Variants in OCSTAMP observed in about 807,000 individuals in gnomAD.
OCSTAMP encodes the protein transmembrane protein C20orf123.
A neutral mutation model predicts 25.2 loss-of-function variants in OCSTAMP; 17 were observed. That is an observed-to-expected ratio of 0.68 (90% CI 0.46 to 1.01). OCSTAMP has a LOEUF of 1.01. Among genes scored for constraint, OCSTAMP ranks in the 50% least tolerant of loss-of-function variants. The probability of loss-of-function intolerance (pLI) is 0.00; values close to 1 mark genes in which losing one functional copy is unlikely to be tolerated. For missense variants in OCSTAMP, 664 were observed against 694.6 expected, an observed-to-expected ratio of 0.96 and a Z score of 0.50; for synonymous variants, 345 against 318.9, an observed-to-expected ratio of 1.08 and a Z score of -0.87.
At chr20:46,546,396 C>T (rs543172068) in intron 1 of OCSTAMP, 67 bp from the exon 2 acceptor site, 35 of 1,362,090 alleles carry the variant, frequency 2.6e-5, no homozygotes, top group Non-Finnish European at 3.4e-5. Context: ...GTCCACTGCC[C>T]CTGCCCCACA....
Position 46,543,795 on chromosome 20 carries a change from A to T in OCSTAMP, c.1047+1532T>A, listed in dbSNP as rs1001219080. Among the ~76,000 whole-genome samples, 7 of 152,276 alleles carry T rather than the reference A, an allele frequency of 4.6e-5. 1 individual carries two copies. The highest frequency in any genetic ancestry group is 1.7e-4 in the African/African-American group (7 of 41,476). ...GTAGCATTTTCTGCCCTAAGGATAC[A>T]TAAAGTAATGGTGTGACTTGCAATT... is the stretch of plus-strand genomic sequence containing the variant. On this transcript the variant is annotated intron_variant, in intron 2 of 2. Transcript: ENST00000279028.
intron 1 of OCSTAMP, among the ~76,000 whole-genome samples, chr20:46,546,734 G>T (rs2146054816): frequency 6.6e-6 from 1 of 152,306 alleles, no homozygotes; most frequent in African/African-American, 2.4e-5. Context: ...GATTTCACTT[G>T]AATTAATAGT....
chr20:46,541,997 T>C, intron 2 of OCSTAMP, 70 bp from the exon 3 acceptor site: 1 of 1,371,282 alleles, frequency 7.3e-7, no homozygotes, highest in South Asian at 2.0e-5. Context: ...TAGGAGAGGC[T>C]TGTCCAGCTT....
At position 46,541,558 on chromosome 20, in the gene OCSTAMP, T is replaced by G; in HGVS notation, c.1417A>C (p.Arg473=). ...CATGCCGGAGGCTTGCAGGCAGGTC[T>G]GGGTGTGGGGACGCAAGAAGGATCC... ...LGDPSCVPTP[R]PACKPPAWID... is the part of the protein sequence containing the mutation. Residue 473 remains arginine (R), a synonymous_variant, in exon 3 of 3, where the codon AGA becomes CGA. Coordinates refer to ENST00000279028, the MANE Select transcript of OCSTAMP (RefSeq NM_080721.3). 1 of 1,551,700 alleles carries G rather than the reference T, an allele frequency of 6.4e-7. No individual in the cohort carries two copies. The highest frequency in any genetic ancestry group is 8.7e-7 in the Non-Finnish European group (1 of 1,146,970).
At position 46,541,688 on chromosome 20, in the gene OCSTAMP, G is replaced by C; in HGVS notation, c.1287C>G (p.Ile429Met). 6.5e-7 allele frequency: 1 copy of C among 1,550,046 alleles called. No homozygotes were observed. The highest frequency in any genetic ancestry group is 8.7e-7 in the Non-Finnish European group (1 of 1,146,900). Residue 429 changes from isoleucine (I) to methionine (M), a missense_variant, in exon 3 of 3, where the codon ATC becomes ATG. Physicochemically the swap from Ile to Met is conservative, Grantham distance 10 (BLOSUM62 1). Transcript: ENST00000279028. ...EAYARRLRHA[I>M]AASFFTAQEA... ...CCTGGGCTGTGAAGAAGGAAGCGGC[G>C]ATGGCATGCCGCAGGCGGCGGGCGT...
intron 1 of OCSTAMP, among the ~76,000 whole-genome samples, chr20:46,547,448 C>G (rs2061856678): frequency 6.6e-6 from 1 of 152,168 alleles, no homozygotes. Context: ...GGACATGCCT[C>G]AAGGCGCTCC....
At chr20:46,546,831 C>G (rs917240907) in intron 1 of OCSTAMP, among the ~76,000 whole-genome samples, 2 of 152,088 alleles carry the variant, frequency 1.3e-5, no homozygotes, top group Non-Finnish European at 2.9e-5. Context: ...GGAGGGTGAA[C>G]TAGTTGGCCT....
chr20:46,544,796 C>G lies in OCSTAMP; in HGVS notation c.1047+531G>C, dbSNP rs1601102356. Reference sequence around the variant, plus strand: ...TCTAAAAAAGCTTTATTTACAAAACCAAGAAGCCATTGGATTTGTCCTGAA... The same window carrying G: ...TCTAAAAAAGCTTTATTTACAAAACGAAGAAGCCATTGGATTTGTCCTGAA... On this transcript the variant is annotated intron_variant, in intron 2 of 2. Transcript: ENST00000279028. Among the ~76,000 whole-genome samples the G allele has an allele frequency of 1.3e-5, 2 of 152,262 alleles. 1 individual carries two copies. Among genetic ancestry groups the G allele is most frequent in the Admixed American group, 1.3e-4 (2 of 15,304 alleles).
Position 46,546,299 on chromosome 20 carries a change from C to T in OCSTAMP, c.75G>A (p.Lys25=), listed in dbSNP as rs753579516. The change falls in exon 2 of 3, where the codon AAG becomes AAA. Residue 25 remains lysine, a synonymous_variant. Coordinates refer to ENST00000279028, the MANE Select transcript of OCSTAMP (RefSeq NM_080721.3). ...GWRSWHLGFW[K]ALAPLQAAWD... ...AGGCAGCCTGCAGTGGGGCAAGGGC[C>T]TTCCAGAACCCCAAGTGCCAGGACC... 12 of 1,549,548 alleles carry T rather than the reference C, an allele frequency of 7.7e-6. No homozygotes were observed. In the South Asian group the frequency reaches 8.3e-5, roughly 11 times the overall value.
At chr20:46,542,866 A>G (rs1383622465) in intron 2 of OCSTAMP, among the ~76,000 whole-genome samples, 1 of 152,194 alleles carries the variant, frequency 6.6e-6, no homozygotes, top group Non-Finnish European at 1.5e-5. Flanking sequence ...GAAACTCCCA[A>G]AGCTTTCAGA....
intron 1 of OCSTAMP, among the ~76,000 whole-genome samples, chr20:46,550,218 C>T (rs948595278): frequency 3.3e-5 from 5 of 152,148 alleles, no homozygotes; most frequent in African/African-American, 9.7e-5. Flanking sequence ...AATTCCTGCA[C>T]GGGGTATTGA....
rs576870574 is a variant in OCSTAMP at position 46,546,019 on chromosome 20, G to A, written c.355C>T (p.Arg119Cys). 18 of 1,551,396 alleles carry A rather than the reference G, an allele frequency of 1.2e-5. 1 individual carries two copies. The highest frequency in any genetic ancestry group is 9.5e-5 in the South Asian group (8 of 84,046). Reference sequence around the variant, plus strand: ...GTGCTGTAGGACAGGAGCAGCCGGCGGCCCTGCTCCATACCCAGGGTGGGC... The same window carrying A: ...GTGCTGTAGGACAGGAGCAGCCGGCAGCCCTGCTCCATACCCAGGGTGGGC... ...SVPTLGMEQGRRLLLSYSTAT... is the reference protein window; with the variant it reads ...SVPTLGMEQGCRLLLSYSTAT... The change falls in exon 2 of 3, where the codon CGC becomes TGC. Residue 119 changes from arginine (R) to cysteine (C), a missense_variant. Arg to Cys is a radical substitution (Grantham distance 180, BLOSUM62 -3). Coordinates refer to ENST00000279028, the MANE Select transcript of OCSTAMP (RefSeq NM_080721.3).
In OCSTAMP at chr20:46,546,222, T is replaced by G. The variant is rs1211200842; in HGVS notation, c.152A>C (p.Gln51Pro). 6 of 1,551,496 alleles carry G rather than the reference T, an allele frequency of 3.9e-6. No homozygotes were observed. The East Asian group carries it at 1.5e-4, about 38-fold the overall frequency. ...AGCCAGGGAGGCACACAGGAGGAGC[T>G]GGGTCAGCAGCTGGCCACAGCTGGC... ...VPASCGQLLT[Q>P]LLLCASLAAA... Residue 51 changes from glutamine (Q) to proline (P), a missense_variant, in exon 2 of 3, where the codon CAG (glutamine) becomes CCG (proline). Gln to Pro is a moderately conservative substitution (Grantham distance 76, BLOSUM62 -1). Transcript: ENST00000279028.
chr20:46,545,198 G>T, intron 2 of OCSTAMP, 129 bp downstream of exon 2: 1 of 993,154 alleles, frequency 1.0e-6, no homozygotes, highest in Non-Finnish European at 1.4e-6. Flanking sequence ...ATGGTATGGG[G>T]CCCCATGGAT....
Position 46,545,353 on chromosome 20 carries a change from G to T in OCSTAMP, c.1021C>A (p.Pro341Thr). 1 of 1,486,652 alleles carries T rather than the reference G, an allele frequency of 6.7e-7. No homozygotes were observed. Among genetic ancestry groups the T allele is most frequent in the Non-Finnish European group, 8.9e-7 (1 of 1,118,402 alleles). The allele number at this position is 1,486,652 out of a possible 1,614,324, so 92.1% of individuals were successfully genotyped here. The change falls in exon 2 of 3, where the codon CCC (proline) becomes ACC (threonine). Residue 341 changes from proline (P) to threonine (T), a missense_variant. By Grantham distance (38) the Pro-to-Thr change is conservative. Coordinates refer to ENST00000279028, the MANE Select transcript of OCSTAMP (RefSeq NM_080721.3). ...TCATACTTGACCGTGAGCGTGATGG[G>T]CACAGTTGGCAACTTCTGAGCCCAG... The part of the protein sequence containing the change: ...VDWAQKLPTV[P>T]ITLTVKYDVA...
chr20:46,546,208 C>A lies in OCSTAMP; in HGVS notation c.166G>T (p.Ala56Ser). Residue 56 changes from alanine (A) to serine (S), a missense_variant, in exon 2 of 3, where the codon GCC (alanine) becomes TCC (serine). Coordinates refer to ENST00000279028, the MANE Select transcript of OCSTAMP (RefSeq NM_080721.3). ...CCTGCAGCAGCAGCAGCCAGGGAGG[C>A]ACACAGGAGGAGCTGGGTCAGCAGC... Reference protein sequence around the residue: ...GQLLTQLLLCASLAAAAAGLV... With the variant: ...GQLLTQLLLCSSLAAAAAGLV... The A allele has an allele frequency of 6.4e-7, 1 of 1,551,816 alleles. No homozygotes were observed. The highest frequency in any genetic ancestry group is 8.7e-7 in the Non-Finnish European group (1 of 1,147,046).
Position 46,546,237 on chromosome 20 carries a change from C to T in OCSTAMP, c.137G>A (p.Gly46Asp), listed in dbSNP as rs1410446950. Residue 46 changes from glycine (G) to aspartate (D), a missense_variant, in exon 2 of 3, where the codon GGC becomes GAC. By Grantham distance (94) the Gly-to-Asp change is moderately conservative (BLOSUM62 -1). Transcript: ENST00000279028. ...CAGGAGGAGCTGGGTCAGCAGCTGGCCACAGCTGGCTGGAACAGGCTGGGA... is the reference window on the plus strand; with the variant it reads ...CAGGAGGAGCTGGGTCAGCAGCTGGTCACAGCTGGCTGGAACAGGCTGGGA... The part of the protein sequence containing the change: ...AFSQPVPASC[G>D]QLLTQLLLCA... The T allele has an allele frequency of 1.9e-6, 3 of 1,551,390 alleles. No individual in the cohort carries two copies. The highest frequency in any genetic ancestry group is 2.0e-5 in the Admixed American group (1 of 51,010).
rs192349973 is a variant in OCSTAMP, at chr20:46,541,201, C to T, written c.*73G>A. ...TTGGTGCAGATGAGATGAGCCTGAT[C>T]GCCAACCAGCCTGGAGGAACCATGA... On this transcript the variant is annotated 3_prime_UTR_variant, in exon 3 of 3. Transcript: ENST00000279028. 1,036 of 669,292 alleles carry T rather than the reference C, an allele frequency of 1.5e-3. 17 individuals are homozygous for T. The highest frequency in any genetic ancestry group is 0.015 in the South Asian group (904 of 58,438). 41.5% of individuals were successfully genotyped at this position (669,292 alleles called of 1,614,324 possible). A position where few individuals can be genotyped will look rare whatever the true frequency, so the allele number is the denominator to read the frequency against.
rs553618514 is a variant in OCSTAMP at position 46,541,938 on chromosome 20, G to A, written c.1048-11C>T. Reference sequence around the variant, plus strand: ...GACAGTGTATGCCACCTTGGGAAAGGAGAAAAAGGCAGGGTCAACTGAGGG... The same window carrying A: ...GACAGTGTATGCCACCTTGGGAAAGAAGAAAAAGGCAGGGTCAACTGAGGG... On this transcript the variant is annotated splice_polypyrimidine_tract_variant and intron_variant, in intron 2 of 2. Coordinates refer to ENST00000279028, the MANE Select transcript of OCSTAMP (RefSeq NM_080721.3). 3.0e-5 allele frequency: 42 copies of A among 1,419,458 alleles called. No individual in the cohort carries two copies. In the East Asian group the frequency reaches 9.4e-4, roughly 32 times the overall value. The allele number at this position is 1,419,458 out of a possible 1,614,324, so 87.9% of individuals were successfully genotyped here. A position where few individuals can be genotyped will look rare whatever the true frequency, so the allele number is the denominator to read the frequency against.
Sources: gnomAD v4.1 joint callset for allele counts (sites outside exome capture counted in the v4.1 genomes callset) on GRCh38, gnomAD v4.1.1 for gene constraint, MANE v1.5 for transcripts, NCBI Gene and HGNC (gene_info 2026-07-23, HGNC 2026-07-21) for gene names.